The following COG5 variants were observed in gnomAD, a reference collection of about 807,000 sequenced individuals.
COG5 encodes the protein component of oligomeric golgi complex 5.
Under a neutral mutation model 110.4 loss-of-function variants are expected in COG5, and 86 were observed. The ratio of observed to expected loss-of-function variants is 0.78; its 90% CI spans 0.65 to 0.93. The LOEUF is 0.93. COG5 is among the 40% of genes least tolerant of loss of function. The probability of loss-of-function intolerance (pLI) is 0.00; values close to 1 mark genes in which losing one functional copy is unlikely to be tolerated. For missense variants in COG5, 1,077 were observed against 987.0 expected (o/e 1.09, Z -1.22); for synonymous variants, 360 against 334.6 (o/e 1.08, Z -0.83).
At chr7:107,367,391 G>A (rs1431940414) in intron 8 of COG5, among the ~76,000 whole-genome samples, 2 of 152,014 alleles carry the variant, frequency 1.3e-5, no homozygotes, top group Non-Finnish European at 2.9e-5. Context: ...AAGACCTAAA[G>A]TACATCTACC....
chr7:107,270,155 T>C (rs1269345030), intron 14 of COG5, among the ~76,000 whole-genome samples: 2 of 152,216 alleles, frequency 1.3e-5, no homozygotes, highest in East Asian at 3.8e-4. Context: ...TATTCCTTCT[T>C]GTAAAATCTT....
intron 6 of COG5, among the ~76,000 whole-genome samples, chr7:107,413,947 G>C (rs1005683109): frequency 6.6e-6 from 1 of 152,090 alleles, no homozygotes; most frequent in Non-Finnish European, 1.5e-5. Flanking sequence ...GCTAGTAACC[G>C]GTAAAACAGA....
At position 107,316,045 on chromosome 7, in the gene COG5, T is replaced by C. The variant is rs867714533; in HGVS notation, c.1108+8395A>G. ...CTTCCCTTAATGAGAACAATTTCAA[T>C]AGAATGATGGAAGACAGCCAGATTA... On this transcript the variant is annotated intron_variant, in intron 11 of 21. Coordinates refer to ENST00000297135, the MANE Select transcript of COG5 (RefSeq NM_006348.5). 2.2e-4 allele frequency among the ~76,000 whole-genome samples: 33 copies of C among 152,228 alleles called. 1 individual carries two copies. In the South Asian group the frequency reaches 5.0e-3, roughly 23 times the overall value.
chr7:107,511,996 T>C (rs1207687334), intron 6 of COG5, among the ~76,000 whole-genome samples: 1 of 152,186 alleles, frequency 6.6e-6, no homozygotes, highest in Admixed American at 6.5e-5. Flanking sequence ...AAGACAGGGA[T>C]GCCCTCTCTC....
intron 11 of COG5, among the ~76,000 whole-genome samples, chr7:107,312,768 A>C (rs534924736): frequency 3.3e-5 from 5 of 152,258 alleles, no homozygotes; most frequent in African/African-American, 1.2e-4. Flanking sequence ...GAGGCAGACC[A>C]GTTCACTTCT....
intron 8 of COG5, among the ~76,000 whole-genome samples, chr7:107,371,772 T>C (rs958574849): frequency 1.3e-5 from 2 of 151,940 alleles, no homozygotes; most frequent in African/African-American, 2.4e-5. Flanking sequence ...GAAAGAAACA[T>C]TGTCAACCTG....
chr7:107,259,308 A>G (rs2116631032), intron 14 of COG5, among the ~76,000 whole-genome samples: 1 of 152,318 alleles, frequency 6.6e-6, no homozygotes, highest in Non-Finnish European at 1.5e-5. Flanking sequence ...GATAATCACA[A>G]TTGCAATCAA....
intron 5 of COG5, among the ~76,000 whole-genome samples, chr7:107,543,773 C>G (rs759627759): frequency 6.6e-6 from 1 of 152,060 alleles, no homozygotes; most frequent in African/African-American, 2.4e-5. Context: ...GCCTGCCCTA[C>G]GGGTCCACAT....
chr7:107,499,192 T>G (rs1798478266), intron 6 of COG5, among the ~76,000 whole-genome samples: 1 of 152,120 alleles, frequency 6.6e-6, no homozygotes, highest in Non-Finnish European at 1.5e-5. Flanking sequence ...AAAATTTTAG[T>G]AAAGCAAGAT....
At chr7:107,499,733 A>T (rs1001417097) in intron 6 of COG5, among the ~76,000 whole-genome samples, 8 of 152,170 alleles carry the variant, frequency 5.3e-5, no homozygotes, top group African/African-American at 1.9e-4. Context: ...GACAGAATGG[A>T]ATGTTAAAGA....
chr7:107,456,466 AGCTAAATATACTTTAGCTTTCG>A (rs1795674556), intron 6 of COG5, among the ~76,000 whole-genome samples: 1 of 152,238 alleles, frequency 6.6e-6, no homozygotes, highest in Non-Finnish European at 1.5e-5. Flanking sequence ...TATAGCTTTC[AGCTAAATATACTTTAGCTTTCG>A]GCTAAATATA....
intron 6 of COG5, among the ~76,000 whole-genome samples, chr7:107,448,802 C>G (rs528677465): frequency 6.6e-6 from 1 of 151,700 alleles, no homozygotes; most frequent in East Asian, 1.9e-4. Flanking sequence ...AGATCTGATG[C>G]AACAATTTGA....
intron 18 of COG5, among the ~76,000 whole-genome samples, chr7:107,234,904 C>T (rs1255452868): frequency 1.3e-5 from 2 of 151,702 alleles, no homozygotes; most frequent in African/African-American, 4.8e-5. Flanking sequence ...GCCAAGTGTA[C>T]CTGTAAAACA....
At chr7:107,563,556 G>A (rs1028481146) in intron 1 of COG5, 6 of 495,632 alleles carry the variant, frequency 1.2e-5, no homozygotes, top group African/African-American at 8.2e-5. Context: ...GGGGGGGGGG[G>A]GGTCGAGTTG....
chr7:107,229,781 C>T (rs1800631814), intron 19 of COG5, among the ~76,000 whole-genome samples: 1 of 149,900 alleles, frequency 6.7e-6, no homozygotes, highest in African/African-American at 2.4e-5. Flanking sequence ...TTACCTATTA[C>T]ATTTATAGTC....
intron 11 of COG5, among the ~76,000 whole-genome samples, chr7:107,313,227 C>G (rs1193063551): frequency 6.6e-6 from 1 of 152,148 alleles, no homozygotes; most frequent in Non-Finnish European, 1.5e-5. Context: ...TTGGGAGAAG[C>G]ATGTCAAAGT....
chr7:107,315,668 T>G (rs140127294), intron 11 of COG5, among the ~76,000 whole-genome samples: 241 of 152,262 alleles, frequency 1.6e-3, no homozygotes, highest in African/African-American at 5.5e-3. Flanking sequence ...CATTACTTAC[T>G]TAGACAATCT....
intron 10 of COG5, among the ~76,000 whole-genome samples, chr7:107,329,423 T>A (rs1341713365): frequency 1.3e-5 from 2 of 152,132 alleles, no homozygotes; most frequent in Non-Finnish European, 2.9e-5. Context: ...ATTTTCTATA[T>A]CTATATACCC....
chr7:107,532,055 C>T (rs1801250083), intron 5 of COG5, among the ~76,000 whole-genome samples: 1 of 152,086 alleles, frequency 6.6e-6, no homozygotes, highest in Non-Finnish European at 1.5e-5. Context: ...TAGAAAACAG[C>T]ATTACTTTTT....
Sources: allele counts gnomAD v4.1 joint callset (sites outside exome capture counted in the v4.1 genomes callset), GRCh38; gene constraint gnomAD v4.1.1; transcripts MANE v1.5; gene names NCBI Gene and HGNC (gene_info 2026-07-23, HGNC 2026-07-21).